CSMD1: variants seen among roughly 807,000 people sequenced by gnomAD.
The protein encoded by CSMD1 is CUB and Sushi multiple domains 1.
In CSMD1, 213 loss-of-function variants were observed where a neutral mutation model predicts 417.5. That is an observed-to-expected ratio of 0.51 (90% CI 0.46 to 0.57). The LOEUF (loss-of-function observed/expected upper bound fraction) is 0.57, where lower values mean the gene tolerates loss of function less well. Ranked by LOEUF, CSMD1 falls within the 20% of genes least tolerant of loss-of-function variation. The probability of loss-of-function intolerance (pLI) is 0.00; values close to 1 mark genes in which losing one functional copy is unlikely to be tolerated. For missense variants in CSMD1, 6,923 were observed against 4,529.7 expected (o/e 1.53, Z -15.17); for synonymous variants, 2,862 against 1,736.8 (o/e 1.65, Z -16.11).
intron 3 of CSMD1, among the ~76,000 whole-genome samples, chr8:4,186,860 G>C (rs974153569): frequency 1.3e-5 from 2 of 151,354 alleles, no homozygotes; most frequent in Admixed American, 6.6e-5. Context: ...GCCGGGCGTG[G>C]TGTTGAGTGC....
At chr8:4,849,202 GA>G (rs1801321460) in intron 1 of CSMD1, among the ~76,000 whole-genome samples, 1 of 152,070 alleles carries the variant, frequency 6.6e-6, no homozygotes, top group Admixed American at 6.5e-5. Context: ...TTTCAAGCTA[GA>G]AAAAAGCTTG....
chr8:4,485,907 G>A (rs1004310538), intron 2 of CSMD1, among the ~76,000 whole-genome samples: 3 of 151,770 alleles, frequency 2.0e-5, no homozygotes, highest in Non-Finnish European at 4.4e-5. Flanking sequence ...GGATTTCCTG[G>A]CAGCCAGGAA....
intron 1 of CSMD1, among the ~76,000 whole-genome samples, chr8:4,699,072 G>A (rs144581928): frequency 3.2e-3 from 489 of 152,200 alleles, no homozygotes; most frequent in African/African-American, 0.011. Flanking sequence ...GTGCTTTGAC[G>A]TAGATGTCCT....
chr8:4,866,122 G>A (rs916797520), intron 1 of CSMD1, among the ~76,000 whole-genome samples: 5 of 151,926 alleles, frequency 3.3e-5, no homozygotes, highest in Non-Finnish European at 7.4e-5. Flanking sequence ...AATTCAAAGT[G>A]ACTAGAATTA....
intron 2 of CSMD1, among the ~76,000 whole-genome samples, chr8:4,421,737 C>G (rs1162880609): frequency 1.3e-5 from 2 of 151,432 alleles, no homozygotes; most frequent in Admixed American, 6.6e-5. Context: ...GAAAAACTCC[C>G]AAATCCCTAA....
chr8:4,105,349 T>C (rs1343169292), intron 3 of CSMD1, among the ~76,000 whole-genome samples: 2 of 151,212 alleles, frequency 1.3e-5, no homozygotes, highest in African/African-American at 4.9e-5. Flanking sequence ...TTTTTTTTTA[T>C]GTTTATATGT....
At chr8:4,018,535 A>G (rs1470944512) in intron 4 of CSMD1, among the ~76,000 whole-genome samples, 3 of 152,176 alleles carry the variant, frequency 2.0e-5, no homozygotes, top group Admixed American at 6.5e-5. Flanking sequence ...TCTCTCTGGG[A>G]CCAGCCAGTT....
intron 3 of CSMD1, among the ~76,000 whole-genome samples, chr8:4,046,816 C>A (rs927211308): frequency 1.3e-5 from 2 of 152,136 alleles, no homozygotes; most frequent in Non-Finnish European, 2.9e-5. Flanking sequence ...AATTATTGAA[C>A]TCTAAGCGCC....
At chr8:3,092,181 A>T (rs1463497172) in intron 47 of CSMD1, among the ~76,000 whole-genome samples, 3 of 152,200 alleles carry the variant, frequency 2.0e-5, no homozygotes, top group African/African-American at 7.2e-5. Context: ...ATTTTAGATC[A>T]AACTAGTAAT....
intron 1 of CSMD1, among the ~76,000 whole-genome samples, chr8:4,677,745 C>T (rs995162296): frequency 6.6e-6 from 1 of 152,020 alleles, no homozygotes; most frequent in Non-Finnish European, 1.5e-5. Flanking sequence ...AACAGATGCT[C>T]ATCAAATACT....
intron 5 of CSMD1, among the ~76,000 whole-genome samples, chr8:3,847,640 G>T (rs1324659754): frequency 1.3e-5 from 2 of 152,096 alleles, no homozygotes. Context: ...AGAAAACACG[G>T]ATGCACTGCC....
At chr8:3,618,838 A>T (rs2117181149) in intron 7 of CSMD1, among the ~76,000 whole-genome samples, 1 of 152,288 alleles carries the variant, frequency 6.6e-6, no homozygotes, top group Non-Finnish European at 1.5e-5. Flanking sequence ...AGTGCAGTTG[A>T]GAGGAAGCGG....
At chr8:3,729,191 A>C (rs984324034) in intron 6 of CSMD1, among the ~76,000 whole-genome samples, 2 of 152,038 alleles carry the variant, frequency 1.3e-5, no homozygotes, top group African/African-American at 4.8e-5. Context: ...GCCACGCAAT[A>C]AGCAATGCCG....
chr8:4,223,470 C>T (rs943239434), intron 3 of CSMD1, among the ~76,000 whole-genome samples: 2 of 152,234 alleles, frequency 1.3e-5, no homozygotes. Context: ...CATGCCATGG[C>T]TGGGAAGGAT....
At chr8:4,200,343 C>T (rs963493786) in intron 3 of CSMD1, among the ~76,000 whole-genome samples, 2 of 151,994 alleles carry the variant, frequency 1.3e-5, no homozygotes, top group Admixed American at 6.6e-5. Context: ...TGTTTAGAGT[C>T]TGCTTAGCAA....
chr8:4,251,229 A>G (rs1426033337), intron 3 of CSMD1, among the ~76,000 whole-genome samples: 1 of 152,200 alleles, frequency 6.6e-6, no homozygotes, highest in East Asian at 1.9e-4. Flanking sequence ...ACAGCTAACA[A>G]TATATGTTTC....
At chr8:3,536,121 C>T (rs7814836) in intron 10 of CSMD1, among the ~76,000 whole-genome samples, 1 of 152,174 alleles carries the variant, frequency 6.6e-6, no homozygotes, top group East Asian at 1.9e-4. Flanking sequence ...TTTTATGATA[C>T]CAAGCTGTGA....
At chr8:4,179,718 C>A (rs1035916107) in intron 3 of CSMD1, among the ~76,000 whole-genome samples, 41 of 144,740 alleles carry the variant, frequency 2.8e-4, no homozygotes, top group African/African-American at 6.8e-4. Flanking sequence ...CAATGAACTC[C>A]AACAAATTTA....
intron 3 of CSMD1, among the ~76,000 whole-genome samples, chr8:4,102,569 C>G (rs1801360297): frequency 6.7e-6 from 1 of 149,884 alleles, no homozygotes. Flanking sequence ...GAGGCTGACT[C>G]CCAGGCTGAA....
Sources: gnomAD v4.1 joint callset for allele counts (sites outside exome capture counted in the v4.1 genomes callset) on GRCh38, gnomAD v4.1.1 for gene constraint, MANE v1.5 for transcripts, NCBI Gene and HGNC (gene_info 2026-07-23, HGNC 2026-07-21) for gene names.